SAMD4A: variants seen among roughly 807,000 people sequenced by gnomAD.
SAMD4A encodes protein Smaug homolog 1.
SAMD4A carries 33 observed loss-of-function variants against 81.3 expected under a neutral mutation model. The observed-to-expected ratio is 0.41, with a 90% CI of 0.31 to 0.54. SAMD4A has a LOEUF of 0.54. Ranked by LOEUF, SAMD4A falls within the 20% of genes least tolerant of loss-of-function variation. The pLI, the probability that SAMD4A is intolerant of heterozygous loss-of-function variation, is 0.37. For missense variants in SAMD4A, 854 were observed against 951.1 expected, an observed-to-expected ratio of 0.90 and a Z score of 1.34; for synonymous variants, 389 against 382.1, an observed-to-expected ratio of 1.02 and a Z score of -0.21.
At chr14:54,665,936 TAAAG>T (rs1414848620) in intron 2 of SAMD4A, among the ~76,000 whole-genome samples, 10 of 152,142 alleles carry the variant, frequency 6.6e-5, no homozygotes, top group Admixed American at 6.5e-5. Flanking sequence ...GTTCTGATAA[TAAAG>T]AGACACAAAT....
chr14:54,736,981 A>G (rs2037710183), intron 3 of SAMD4A, 43 bp from the exon 4 acceptor site: 1 of 1,603,578 alleles, frequency 6.2e-7, no homozygotes, highest in East Asian at 2.2e-5. Context: ...GTCCCAGGAT[A>G]AAGGGGGGGG....
At chr14:54,582,077 C>T (rs2033484354) in intron 2 of SAMD4A, among the ~76,000 whole-genome samples, 1 of 152,130 alleles carries the variant, frequency 6.6e-6, no homozygotes, top group Non-Finnish European at 1.5e-5. Flanking sequence ...TGCAGATGAT[C>T]TGAGCACAGT....
chr14:54,788,210 C>G (rs542114789), intron 12 of SAMD4A, among the ~76,000 whole-genome samples: 70 of 152,328 alleles, frequency 4.6e-4, no homozygotes, highest in South Asian at 2.1e-3. Context: ...GTCCATCCCT[C>G]TGGTCTGCTC....
intron 2 of SAMD4A, among the ~76,000 whole-genome samples, chr14:54,593,282 C>T (rs748606972): frequency 5.8e-4 from 88 of 152,034 alleles, no homozygotes; most frequent in Non-Finnish European, 1.0e-3. Flanking sequence ...CCTGGAGAAC[C>T]TAATTAATTT....
At chr14:54,565,876 C>T (rs1594668426), upstream of SAMD4A, among the ~76,000 whole-genome samples, 2 of 152,016 alleles carry the variant, frequency 1.3e-5, no homozygotes, top group African/African-American at 4.8e-5. The surrounding 1 kb of genome is among the most constrained non-coding windows in gnomAD (Gnocchi z 5.4). Flanking sequence ...CTACCCGACC[C>T]CTCTGCGCCA....
intron 3 of SAMD4A, among the ~76,000 whole-genome samples, chr14:54,734,629 T>C (rs1036455493): frequency 6.6e-6 from 1 of 152,168 alleles, no homozygotes; most frequent in Non-Finnish European, 1.5e-5. Context: ...CCAATCTCAA[T>C]AGCCAGTGAA....
intron 8 of SAMD4A, among the ~76,000 whole-genome samples, chr14:54,769,885 TTGA>T (rs1266473002): frequency 6.6e-6 from 1 of 152,222 alleles, no homozygotes; most frequent in Non-Finnish European, 1.5e-5. Context: ...TGTCAACAGT[TTGA>T]TGCGTGTACC....
At chr14:54,771,789 T>C (rs757425305) in intron 9 of SAMD4A, among the ~76,000 whole-genome samples, 13 of 152,120 alleles carry the variant, frequency 8.5e-5, no homozygotes, top group Non-Finnish European at 1.9e-4. Context: ...GAGATGAAGA[T>C]GGGGCGGCTC....
intron 3 of SAMD4A, among the ~76,000 whole-genome samples, chr14:54,717,178 C>T (rs1162866646): frequency 2.6e-5 from 4 of 152,128 alleles, no homozygotes; most frequent in Admixed American, 2.0e-4. Flanking sequence ...CAATGGCCCA[C>T]ACCTGTCATC....
intron 2 of SAMD4A, among the ~76,000 whole-genome samples, chr14:54,579,152 A>G (rs1177306447): frequency 1.3e-5 from 2 of 152,248 alleles, no homozygotes; most frequent in East Asian, 3.8e-4. Flanking sequence ...TACACACACA[A>G]ACACTATCTC....
intron 2 of SAMD4A, among the ~76,000 whole-genome samples, chr14:54,633,462 T>G (rs1416960615): frequency 2.0e-5 from 3 of 152,092 alleles, no homozygotes; most frequent in African/African-American, 7.2e-5. Context: ...GTCTGAACAT[T>G]GTAAGATCAC....
intron 2 of SAMD4A, among the ~76,000 whole-genome samples, chr14:54,648,649 C>T (rs2035336853): frequency 6.6e-6 from 1 of 152,076 alleles, no homozygotes; most frequent in Admixed American, 6.6e-5. Flanking sequence ...TTGAACAAGG[C>T]AGAGTGTGGT....
At chr14:54,778,792 C>T (rs893666494) in intron 11 of SAMD4A, among the ~76,000 whole-genome samples, 4 of 152,156 alleles carry the variant, frequency 2.6e-5, no homozygotes, top group African/African-American at 4.8e-5. Context: ...CTGCCCAGCA[C>T]GCTCAGCACC....
intron 11 of SAMD4A, among the ~76,000 whole-genome samples, chr14:54,782,721 G>A (rs1327507091): frequency 2.6e-5 from 4 of 152,176 alleles, no homozygotes; most frequent in Admixed American, 1.3e-4. Context: ...TTTAAATAAC[G>A]GAAGCAACAT....
intron 2 of SAMD4A, among the ~76,000 whole-genome samples, chr14:54,616,564 A>T (rs1406831047): frequency 6.6e-6 from 1 of 152,198 alleles, no homozygotes; most frequent in Non-Finnish European, 1.5e-5. Flanking sequence ...TGGCAAGGTG[A>T]TATCCCACAT....
intron 2 of SAMD4A, among the ~76,000 whole-genome samples, chr14:54,696,093 T>C (rs1374106185): frequency 6.6e-6 from 1 of 152,106 alleles, no homozygotes; most frequent in Non-Finnish European, 1.5e-5. Context: ...ACTGGTCTAA[T>C]CCATACCACT....
intron 3 of SAMD4A, among the ~76,000 whole-genome samples, chr14:54,727,750 A>C (rs898075135): frequency 6.6e-6 from 1 of 152,164 alleles, no homozygotes; most frequent in African/African-American, 2.4e-5. Context: ...GCAATATGTG[A>C]GTTTACAAAT....
At chr14:54,604,475 A>G (rs889433630) in intron 2 of SAMD4A, among the ~76,000 whole-genome samples, 2 of 152,250 alleles carry the variant, frequency 1.3e-5, no homozygotes, top group Non-Finnish European at 2.9e-5. Context: ...TCCGCAATAC[A>G]AAATGAACTT....
At chr14:54,649,434 C>T (rs898316187) in intron 2 of SAMD4A, among the ~76,000 whole-genome samples, 1 of 152,134 alleles carries the variant, frequency 6.6e-6, no homozygotes, top group Non-Finnish European at 1.5e-5. Flanking sequence ...AGCTATCTTT[C>T]GAAGGGATGT....
Sources: gnomAD v4.1 joint callset for allele counts (sites outside exome capture counted in the v4.1 genomes callset) on GRCh38, gnomAD v4.1.1 for gene constraint, Gnocchi (gnomAD v3.1) non-coding constraint, MANE v1.5 for transcripts, NCBI Gene and HGNC (gene_info 2026-07-23, HGNC 2026-07-21) for gene names.